Variants in PTPN9 observed in about 807,000 individuals in gnomAD.
The protein encoded by PTPN9 is protein tyrosine phosphatase non-receptor type 9.
In PTPN9, 26 loss-of-function variants were observed where a neutral mutation model predicts 69.8. The observed-to-expected ratio is 0.37, with a 90% confidence interval of 0.27 to 0.52. PTPN9 has a LOEUF of 0.52. Among genes scored for constraint, PTPN9 ranks in the 20% least tolerant of loss-of-function variants. The pLI is 0.91. For synonymous variants in PTPN9, 274 were observed against 272.5 expected (o/e 1.01, Z -0.05); for missense variants, 549 against 740.3 (o/e 0.74, Z 3.00).
intron 7 of PTPN9, among the ~76,000 whole-genome samples, chr15:75,501,414 G>T (rs1424590933): frequency 6.6e-6 from 1 of 151,320 alleles, no homozygotes; most frequent in Non-Finnish European, 1.5e-5. Context: ...CACTAGGATG[G>T]CTTCCCTCAT....
intron 1 of PTPN9, among the ~76,000 whole-genome samples, chr15:75,561,407 T>A (rs536892069): frequency 6.2e-4 from 93 of 151,190 alleles, no homozygotes; most frequent in African/African-American, 2.2e-3. Flanking sequence ...AAAAAAAATC[T>A]AGCTTAAAAA....
chr15:75,575,010 G>GTTTTTTTTTTT (rs1567533120), intron 1 of PTPN9, among the ~76,000 whole-genome samples: 204 of 15,768 alleles, frequency 0.013, 55 homozygotes, highest in Admixed American at 0.016. Flanking sequence ...TTGAGACAGA[G>GTTTTTTTTTTT]GAGACGGAGT....
intron 7 of PTPN9, among the ~76,000 whole-genome samples, chr15:75,502,098 G>A (rs2074775791): frequency 6.6e-6 from 1 of 151,662 alleles, no homozygotes; most frequent in Non-Finnish European, 1.5e-5. Context: ...TTGAGGAAAA[G>A]AAAAGGATAA....
At chr15:75,503,292 C>T (rs1441578248) in intron 7 of PTPN9, among the ~76,000 whole-genome samples, 1 of 145,846 alleles carries the variant, frequency 6.9e-6, no homozygotes, top group African/African-American at 2.6e-5. Context: ...CCCGCTGCCC[C>T]GTCTGGGATG....
chr15:75,578,749 C>G lies in PTPN9; in HGVS notation c.28G>C (p.Asp10His). The change falls in exon 1 of 13, where the codon GAC becomes CAC. Residue 10 changes from aspartate to histidine, a missense_variant. Asp to His is a moderately conservative substitution (Grantham distance 81, BLOSUM62 -1). Around this residue, in one of 3 missense-constraint regions of PTPN9, gnomAD observed 62 missense variants for 53.6 expected, o/e 1.16. Transcript: ENST00000618819. MEPATAPRP[D>H]MAPELTPEEE... ...TCCGGGGTCAGCTCCGGCGCCATGT[C>G]GGGCCGGGGCGCGGTCGCGGGCTCC... 4.6e-6 allele frequency: 6 copies of G among 1,299,930 alleles called. No homozygotes were observed. The highest frequency in any genetic ancestry group is 4.9e-6 in the Non-Finnish European group (5 of 1,025,076). The allele number at this position is 1,299,930 out of a possible 1,614,324, so 80.5% of individuals were successfully genotyped here. A position where few individuals can be genotyped will look rare whatever the true frequency, so the allele number is the denominator to read the frequency against.
rs370957192 is a variant in PTPN9, at chr15:75,564,457, G to A, written c.63+14257C>T. ...AAAATACAAAAAAAATTAGCCAGGC[G>A]TGGTAGCGGGCGCCTGTAGTCCCAG... On this transcript the variant is annotated intron_variant, in intron 1 of 12. Transcript: ENST00000618819. Among the ~76,000 whole-genome samples, 12 of 151,922 alleles carry A rather than the reference G, an allele frequency of 7.9e-5. No homozygotes were observed. The East Asian group carries it at 1.6e-3, about 20-fold the overall frequency.
chr15:75,481,000 G>C (rs990542877), intron 8 of PTPN9, among the ~76,000 whole-genome samples: 3 of 87,300 alleles, frequency 3.4e-5, no homozygotes, highest in South Asian at 4.6e-4. Flanking sequence ...GTCTCCGCCC[G>C]GCCGCCATCC....
chr15:75,532,608 T>C (rs2074968391), intron 1 of PTPN9, among the ~76,000 whole-genome samples: 1 of 152,200 alleles, frequency 6.6e-6, no homozygotes, highest in South Asian at 2.1e-4. Flanking sequence ...CAGGATGTTA[T>C]TCTTGGCTTT....
At chr15:75,478,563 G>GCCTGGCCATGGTTCTCTTTAGTCT (rs1359351662) in intron 9 of PTPN9, among the ~76,000 whole-genome samples, 5 of 152,320 alleles carry the variant, frequency 3.3e-5, no homozygotes, top group African/African-American at 1.2e-4. Context: ...GAGCCACTGT[G>GCCTGGCCATGGTTCTCTTTAGTCT]CCTGGCCATG....
At chr15:75,471,005 G>A in intron 10 of PTPN9, 175 bp from the exon 11 acceptor site, 1 of 739,630 alleles carries the variant, frequency 1.4e-6, no homozygotes. Context: ...CTAAACAAAT[G>A]TACTCACAGC....
At chr15:75,486,184 A>G (rs2141296923) in intron 8 of PTPN9, among the ~76,000 whole-genome samples, 1 of 152,150 alleles carries the variant, frequency 6.6e-6, no homozygotes, top group African/African-American at 2.4e-5. Context: ...GGAAGAACAA[A>G]CCCGGAACAC....
In PTPN9 at chr15:75,488,794, A is replaced by C. The variant is rs183205264; in HGVS notation, c.1062+1414T>G. On this transcript the variant is annotated intron_variant, in intron 8 of 12. Coordinates refer to ENST00000618819, the MANE Select transcript of PTPN9 (RefSeq NM_002833.4). ...GGGTGACAGAGTGAGACCCTGTCTC[A>C]ATTTTCTGTTTTTTAAGGATTTTAC... Among the ~76,000 whole-genome samples, 214 of 152,100 alleles carry C rather than the reference A, an allele frequency of 1.4e-3. 1 individual carries two copies. The highest frequency in any genetic ancestry group is 4.9e-3 in the African/African-American group (205 of 41,498).
rs192018211 is a variant in PTPN9 at position 75,470,604 on chromosome 15, C to G, written c.1359+76G>C. On this transcript the variant is annotated intron_variant, in intron 11 of 12. Transcript: ENST00000618819. ...TAACTTCCCTGGTATCCTACCTATT[C>G]CCTCTGGAGATTTTCATTACAGTAA... 15 of 1,529,078 alleles carry G rather than the reference C, an allele frequency of 9.8e-6. No homozygotes were observed. The African/African-American group carries it at 1.9e-4, about 20-fold the overall frequency. The allele number at this position is 1,529,078 out of a possible 1,614,324, so 94.7% of individuals were successfully genotyped here.
At chr15:75,483,296 C>CA (rs956816530) in intron 8 of PTPN9, among the ~76,000 whole-genome samples, 9 of 151,984 alleles carry the variant, frequency 5.9e-5, no homozygotes, top group African/African-American at 2.2e-4. Flanking sequence ...TCGTAATAGC[C>CA]AAAAATGGAA....
chr15:75,490,213 T>G lies in PTPN9; in HGVS notation c.1057A>C (p.Thr353Pro). ...GATTACATTTATCTGTCTACCTGAG[T>G]ATGGCCACTTCGCTTTGTTAGCTTC... is the stretch of plus-strand genomic sequence containing the variant. ...RVKLTKRSGH[T>P]QTDYINASFM... Residue 353 changes from threonine (T) to proline (P), a missense_variant, in exon 8 of 13, where the codon ACT (threonine) becomes CCT (proline). By Grantham distance (38) the Thr-to-Pro change is conservative (BLOSUM62 -1). Around this residue, in one of 3 missense-constraint regions of PTPN9, gnomAD observed 457 missense variants for 661.9 expected, o/e 0.69. Transcript: ENST00000618819. The G allele has an allele frequency of 6.2e-7, 1 of 1,606,294 alleles. No individual in the cohort carries two copies. The highest frequency in any genetic ancestry group is 8.5e-7 in the Non-Finnish European group (1 of 1,172,842).
intron 7 of PTPN9, among the ~76,000 whole-genome samples, chr15:75,497,171 T>C (rs1437190447): frequency 6.6e-6 from 1 of 152,188 alleles, no homozygotes; most frequent in Non-Finnish European, 1.5e-5. Context: ...TTCAACTTTA[T>C]AATAAATTCT....
rs796380794 is a variant in PTPN9, at chr15:75,467,271, ACATT to A, written c.*1494_*1497del. 8 of 152,798 alleles carry A rather than the reference ACATT, an allele frequency of 5.2e-5. No individual in the cohort carries two copies. Among genetic ancestry groups the A allele is most frequent in the East Asian group, 1.9e-4 (1 of 5,194 alleles). The allele number at this position is 152,798 out of a possible 1,614,324, so 9.5% of individuals were successfully genotyped here. On this transcript the variant is annotated 3_prime_UTR_variant, in exon 13 of 13. Coordinates refer to ENST00000618819, the MANE Select transcript of PTPN9 (RefSeq NM_002833.4). The stretch of plus-strand genomic sequence containing the variant: ...ATGATTGTAAAAAATAATAATATAC[ACATT>A]CAAAGAGCTTATTACAGTATAAAAT...
At chr15:75,561,340 G>T (rs2075103348) in intron 1 of PTPN9, among the ~76,000 whole-genome samples, 2 of 149,436 alleles carry the variant, frequency 1.3e-5, no homozygotes, top group East Asian at 2.0e-4. Flanking sequence ...ACTTAAAAAA[G>T]AATTCCGTTT....
rs777933996 is a variant in PTPN9, at chr15:75,575,746, C to T, written c.63+2968G>A. ...CATCCTGGCTAACATGGGGAAACCC[C>T]GTCTCTACTAAAAATATGAAAAATT... On this transcript the variant is annotated intron_variant, in intron 1 of 12. Coordinates refer to ENST00000618819, the MANE Select transcript of PTPN9 (RefSeq NM_002833.4). 6.3e-4 allele frequency among the ~76,000 whole-genome samples: 93 copies of T among 148,174 alleles called. 1 individual carries two copies. The highest frequency in any genetic ancestry group is 1.7e-3 in the Admixed American group (25 of 14,756).
Sources: gnomAD v4.1 joint callset for allele counts (sites outside exome capture counted in the v4.1 genomes callset) on GRCh38, gnomAD v4.1.1 for gene constraint, gnomAD v4.1.1 regional missense constraint, MANE v1.5 for transcripts, NCBI Gene and HGNC (gene_info 2026-07-23, HGNC 2026-07-21) for gene names.